CLEC10A: variants seen among roughly 807,000 people sequenced by gnomAD.
CLEC10A encodes C-type lectin domain family 10 member A.
A neutral mutation model predicts 42.0 loss-of-function variants in CLEC10A; 38 were observed. The observed-to-expected ratio is 0.90, with a 90% CI of 0.70 to 1.18. The LOEUF (loss-of-function observed/expected upper bound fraction) is 1.18, where lower values mean the gene tolerates loss of function less well. Among genes scored for constraint, CLEC10A ranks in the 50% most tolerant of loss-of-function variants. CLEC10A has a pLI of 0.00. For missense variants in CLEC10A, 298 were observed against 345.9 expected, an observed-to-expected ratio of 0.86 and a Z score of 1.10; for synonymous variants, 126 against 139.9, an observed-to-expected ratio of 0.90 and a Z score of 0.70.
Position 7,076,782 on chromosome 17 carries a change from TATCGTTTC to T in CLEC10A, c.295_302del (p.Glu99SerfsTer6), listed in dbSNP as rs1221835789. On this transcript the variant is annotated frameshift_variant, in exon 5 of 9. Coordinates refer to ENST00000416562, the MANE Select transcript of CLEC10A (RefSeq NM_001330070.2). LOFTEE classifies it high-confidence loss of function. ...CCTCCACCTCAGCTTTCAGAGATGCTATCGTTTCTTCCAAGCTGCTGCCTGGAGGACAC... is the reference window on the plus strand; with the variant it reads ...CCTCCACCTCAGCTTTCAGAGATGCTTTCCAAGCTGCTGCCTGGAGGACAC... 6.2e-7 allele frequency: 1 copy of T among 1,613,710 alleles called. No individual in the cohort carries two copies. Among genetic ancestry groups the T allele is most frequent in the Admixed American group, 1.7e-5 (1 of 59,970 alleles).
At chr17:7,078,233 G>A in intron 2 of CLEC10A, 120 bp from the exon 3 acceptor site, 1 of 681,144 alleles carries the variant, frequency 1.5e-6, no homozygotes, top group South Asian at 1.9e-5. Context: ...GGGGAGGGTT[G>A]GACAAGGAGG....
chr17:7,076,613 G>A lies in CLEC10A; in HGVS notation c.352+120C>T. The A allele has an allele frequency of 4.3e-6, 5 of 1,158,120 alleles. No individual in the cohort carries two copies. The Admixed American group carries it at 6.8e-5, about 16-fold the overall frequency. The allele number at this position is 1,158,120 out of a possible 1,614,324, so 71.7% of individuals were successfully genotyped here. ...AGGCGTGAACCACTGCGCCCGGCCTGCATGCTGCCTTTCAAGCTGCTGGCT... is the reference window on the plus strand; with the variant it reads ...AGGCGTGAACCACTGCGCCCGGCCTACATGCTGCCTTTCAAGCTGCTGGCT... On this transcript the variant is annotated intron_variant, in intron 5 of 8. Transcript: ENST00000416562.
chr17:7,078,858 C>G lies in CLEC10A; in HGVS notation c.-46G>C. ...GAGGTTGTCACAGCTGAAATGGAGG[C>G]AGGGCCGGCGCCCAGTCTGGGGTGG... On this transcript the variant is annotated 5_prime_UTR_variant, in exon 2 of 9. Transcript: ENST00000416562. The G allele has an allele frequency of 6.3e-7, 1 of 1,596,304 alleles. No individual in the cohort carries two copies. Among genetic ancestry groups the G allele is most frequent in the Non-Finnish European group, 8.6e-7 (1 of 1,163,750 alleles).
chr17:7,078,934 C>T (rs751452598), intron 1 of CLEC10A, 49 bp from the exon 2 acceptor site: 32 of 861,072 alleles, frequency 3.7e-5, no homozygotes, highest in Non-Finnish European at 5.6e-5. Context: ...GCAGGGCTGA[C>T]GTTGAGTTGG....
chr17:7,078,575 T>C, intron 2 of CLEC10A, 171 bp downstream of exon 2: 1 of 658,810 alleles, frequency 1.5e-6, no homozygotes, highest in Non-Finnish European at 2.7e-6. Flanking sequence ...CCTGTCCCAG[T>C]CTTTCTAGAG....
chr17:7,075,471 G>A lies in CLEC10A; in HGVS notation c.595-5C>T, dbSNP rs368562852. On this transcript the variant is annotated splice_region_variant and splice_polypyrimidine_tract_variant and intron_variant, in intron 7 of 8. Transcript: ENST00000416562. ...TAGATATTTCTGGACAAAATTCTGC[G>A]GTGACAGAAGGGCAGTGGTGACTTC... 1.6e-5 allele frequency: 25 copies of A among 1,530,252 alleles called. No individual in the cohort carries two copies. The highest frequency in any genetic ancestry group is 2.3e-5 in the East Asian group (1 of 44,262). 94.8% of individuals were successfully genotyped at this position (1,530,252 alleles called of 1,614,324 possible).
chr17:7,078,441 G>C (rs1004658866), intron 2 of CLEC10A: 2 of 516,512 alleles, frequency 3.9e-6, no homozygotes, highest in African/African-American at 1.9e-5. Context: ...TCACCTACCT[G>C]CTGGACAATC....
chr17:7,076,861 C>T (rs1003210384), intron 4 of CLEC10A, 31 bp downstream of exon 4: 2 of 1,613,550 alleles, frequency 1.2e-6, no homozygotes, highest in Admixed American at 1.7e-5. Flanking sequence ...GGCCTGGCCC[C>T]AGCCCAGAGC....
chr17:7,076,303 C>CT lies in CLEC10A; in HGVS notation c.353-233dup, dbSNP rs1383393194. On this transcript the variant is annotated intron_variant, in intron 5 of 8. Coordinates refer to ENST00000416562, the MANE Select transcript of CLEC10A (RefSeq NM_001330070.2). ...GAAAGCATGCTGCCTTTCTTTCTTT[C>CT]TTTCTTTTTTTTTTTTTTTTTTTTG... 2.4e-4 allele frequency: 117 copies of CT among 493,494 alleles called. No homozygotes were observed. In the East Asian group the frequency reaches 2.7e-3, roughly 12 times the overall value. The allele number at this position is 493,494 out of a possible 1,614,324, so 30.6% of individuals were successfully genotyped here. A position where few individuals can be genotyped will look rare whatever the true frequency, so the allele number is the denominator to read the frequency against.
chr17:7,078,315 C>T (rs1911976568), intron 2 of CLEC10A, among the ~76,000 whole-genome samples: 1 of 152,106 alleles, frequency 6.6e-6, no homozygotes, highest in Non-Finnish European at 1.5e-5. Context: ...ACAGGCCCCT[C>T]ACACCCCTGG....
intron 3 of CLEC10A, among the ~76,000 whole-genome samples, chr17:7,077,282 C>T (rs1017577989): frequency 7.1e-6 from 1 of 140,976 alleles, no homozygotes; most frequent in African/African-American, 2.7e-5. Flanking sequence ...CATCAGTGCC[C>T]CCCCACCATT....
At chr17:7,076,630 C>T in intron 5 of CLEC10A, 103 bp downstream of exon 5, 3 of 1,330,328 alleles carry the variant, frequency 2.3e-6, no homozygotes, top group Non-Finnish European at 3.2e-6. Flanking sequence ...GCCTTTCAAG[C>T]TGCTGGCTGA....
At chr17:7,076,668 C>A in intron 5 of CLEC10A, 65 bp downstream of exon 5, 1 of 1,556,348 alleles carries the variant, frequency 6.4e-7, no homozygotes, top group Non-Finnish European at 8.9e-7. Context: ...CACCAGGAGT[C>A]TGTTCCCACC....
At position 7,075,431 on chromosome 17, in the gene CLEC10A, G is replaced by T; in HGVS notation, c.630C>A (p.Thr210=). The T allele has an allele frequency of 2.6e-6, 4 of 1,528,794 alleles. No homozygotes were observed. The highest frequency in any genetic ancestry group is 3.5e-6 in the Non-Finnish European group (4 of 1,141,702). The allele number at this position is 1,528,794 out of a possible 1,614,324, so 94.7% of individuals were successfully genotyped here. ...CTTCAGGGTCACTGAGGCCCATCCAGGTGTATGCGGAGCCTAGATATTTCT... is the reference window on the plus strand; with the variant it reads ...CTTCAGGGTCACTGAGGCCCATCCATGTGTATGCGGAGCCTAGATATTTCT... ...FVQKYLGSAY[T]WMGLSDPEGA... Residue 210 remains threonine, a synonymous_variant, in exon 8 of 9, where the codon ACC becomes ACA. Transcript: ENST00000416562.
At chr17:7,076,646 A>C in intron 5 of CLEC10A, 87 bp downstream of exon 5, 2 of 1,410,200 alleles carry the variant, frequency 1.4e-6, no homozygotes, top group Non-Finnish European at 1.0e-6. Flanking sequence ...GCTGAAGGGG[A>C]GGGCAGTTCA....
Position 7,078,796 on chromosome 17 carries a change from T to G in CLEC10A, c.17A>C (p.Glu6Ala). 1 of 1,614,218 alleles carries G rather than the reference T, an allele frequency of 6.2e-7. No homozygotes were observed. The highest frequency in any genetic ancestry group is 8.5e-7 in the Non-Finnish European group (1 of 1,180,034). MTRTYENFQYLENKVK... is the reference protein window; with the variant it reads MTRTYANFQYLENKVK... ...CTTATTCTCCAAGTACTGGAAGTTT[T>G]CATACGTCCTTGTCATGCTTGGGCC... Residue 6 changes from glutamate to alanine, a missense_variant, in exon 2 of 9, where the codon GAA (glutamate) becomes GCA (alanine). Physicochemically the swap from Glu to Ala is moderately radical, Grantham distance 107. This residue lies in a region of CLEC10A where 27 missense variants were observed against 37.0 expected (regional missense o/e 0.73). Transcript: ENST00000416562.
chr17:7,080,197 C>T lies in CLEC10A; in HGVS notation c.-219G>A, dbSNP rs1173017185. ...CCTGCTGGTCTTGGGTCTGAAATCCCAGGAGCCCTATCATCTGGGACATCC... is the reference window on the plus strand; with the variant it reads ...CCTGCTGGTCTTGGGTCTGAAATCCTAGGAGCCCTATCATCTGGGACATCC... On this transcript the variant is annotated 5_prime_UTR_variant, in exon 1 of 9. Coordinates refer to ENST00000416562, the MANE Select transcript of CLEC10A (RefSeq NM_001330070.2). The T allele has an allele frequency of 1.3e-5, 2 of 152,364 alleles. No individual in the cohort carries two copies. Among genetic ancestry groups the T allele is most frequent in the African/African-American group, 4.8e-5 (2 of 41,408 alleles). 9.4% of individuals were successfully genotyped at this position (152,364 alleles called of 1,614,324 possible).
At position 7,075,600 on chromosome 17, in the gene CLEC10A, A is replaced by G. The variant is rs555943706; in HGVS notation, c.594+131T>C. The G allele has an allele frequency of 4.1e-3, 6,031 of 1,468,098 alleles. 24 individuals are homozygous for G. The highest frequency in any genetic ancestry group is 0.013 in the Middle Eastern group (75 of 5,766). 90.9% of individuals were successfully genotyped at this position (1,468,098 alleles called of 1,614,324 possible). ...GTTTCTCTGGATGCTCAGGCCTATT[A>G]AATCTCTGAGGGTGTGGCACAGATG... is the stretch of plus-strand genomic sequence containing the variant. On this transcript the variant is annotated intron_variant, in intron 7 of 8. Transcript: ENST00000416562.
At chr17:7,078,434 C>G (rs546626679) in intron 2 of CLEC10A, 9 of 513,640 alleles carry the variant, frequency 1.8e-5, no homozygotes, top group South Asian at 1.5e-4. Context: ...CTTATGCTCA[C>G]CTACCTGCTG....
Sources: allele counts gnomAD v4.1 joint callset (sites outside exome capture counted in the v4.1 genomes callset), GRCh38; gene constraint gnomAD v4.1.1; regional missense constraint gnomAD v4.1.1; transcripts MANE v1.5; gene names NCBI Gene and HGNC (gene_info 2026-07-23, HGNC 2026-07-21).